The following NR1I2 variants were observed in gnomAD, a reference collection of about 807,000 sequenced individuals.
NR1I2 encodes the protein nuclear receptor subfamily 1 group I member 2, also known as orphan nuclear receptor PAR1.
NR1I2 carries 42 observed loss-of-function variants against 43.3 expected under a neutral mutation model. That is an observed-to-expected ratio of 0.97 (90% confidence interval 0.76 to 1.26). The LOEUF is 1.26. NR1I2 is among the 50% of genes most tolerant of loss of function. The pLI is 0.00. For missense variants in NR1I2, 559 were observed against 566.7 expected, an observed-to-expected ratio of 0.99 and a Z score of 0.14; for synonymous variants, 229 against 215.0, an observed-to-expected ratio of 1.06 and a Z score of -0.57.
chr3:119,812,395 G>A (rs543581219), intron 4 of NR1I2, among the ~76,000 whole-genome samples: 2 of 152,154 alleles, frequency 1.3e-5, no homozygotes, highest in Non-Finnish European at 2.9e-5. Context: ...GACACACCAT[G>A]GTTGCAGTCC....
chr3:119,816,458 C>T (rs568319375), intron 8 of NR1I2, among the ~76,000 whole-genome samples: 1 of 152,304 alleles, frequency 6.6e-6, no homozygotes, highest in South Asian at 2.1e-4. Flanking sequence ...AAGGCAGTGA[C>T]AGCCCCACAC....
At chr3:119,806,791 A>T (rs2055167627) in intron 1 of NR1I2, among the ~76,000 whole-genome samples, 1 of 152,112 alleles carries the variant, frequency 6.6e-6, no homozygotes, top group African/African-American at 2.4e-5. Flanking sequence ...CACCTGAAAG[A>T]CTATCCTCCC....
chr3:119,790,903 T>A (rs116169240), intron 1 of NR1I2, among the ~76,000 whole-genome samples: 2,630 of 152,276 alleles, frequency 0.017, 30 homozygotes, highest in Non-Finnish European at 0.025. Context: ...CAGGGTTGGG[T>A]TGGCTGGAGT....
chr3:119,792,449 T>C (rs1467517942), intron 1 of NR1I2: 7 of 1,171,448 alleles, frequency 6.0e-6, no homozygotes, highest in Non-Finnish European at 8.9e-6. Context: ...GATGGAGCTG[T>C]GCAAGCTGGA....
At chr3:119,788,013 G>T (rs1156369587) in intron 1 of NR1I2, among the ~76,000 whole-genome samples, 1 of 152,046 alleles carries the variant, frequency 6.6e-6, no homozygotes, top group African/African-American at 2.4e-5. Flanking sequence ...CTTGTGCTTT[G>T]ACTCATTTGA....
chr3:119,787,657 ATGTGTGTG>A (rs3030846), intron 1 of NR1I2, among the ~76,000 whole-genome samples: 33,200 of 128,218 alleles, frequency 0.26, 3,957 homozygotes, highest in African/African-American at 0.28. Context: ...TGCTATTAAT[ATGTGTGTG>A]TGTGTGTGTG....
At chr3:119,807,935 G>A (rs1348531590) in intron 2 of NR1I2, among the ~76,000 whole-genome samples, 2 of 152,158 alleles carry the variant, frequency 1.3e-5, no homozygotes, top group Admixed American at 6.5e-5. Context: ...CTCCCATCTC[G>A]GGAGCCACAT....
Position 119,812,852 on chromosome 3 carries a change from C to T in NR1I2, c.686C>T (p.Ala229Val). 1 of 1,614,232 alleles carries T rather than the reference C, an allele frequency of 6.2e-7. No homozygotes were observed. Among genetic ancestry groups the T allele is most frequent in the Non-Finnish European group, 8.5e-7 (1 of 1,180,042 alleles). The change falls in exon 5 of 9, where the codon GCC (alanine) becomes GTC (valine). Residue 229 changes from alanine (A) to valine (V), a missense_variant. Physicochemically the swap from Ala to Val is moderately conservative, Grantham distance 64. Around this residue, in one of 3 missense-constraint regions of NR1I2, gnomAD observed 323 missense variants for 312.2 expected, o/e 1.03. Transcript: ENST00000393716. ...AGTGTCTGGAACTACAAACCCCCAG[C>T]CGACAGTGGCGGGAAAGAGATCTTC...
chr3:119,791,890 A>T (rs181700842), intron 1 of NR1I2: 2 of 616,568 alleles, frequency 3.2e-6, no homozygotes, highest in Middle Eastern at 2.7e-4. Context: ...GGCATGGTGA[A>T]CTCTGCCTTA....
In NR1I2 at chr3:119,796,339, C is replaced by T. The variant is rs545292860; in HGVS notation, c.-22-10890C>T. ...TTCTCCCTGACTCCTTTCCCAGCCC[C>T]AAGACAGGGGACTTGCAAGAGTCCC... On this transcript the variant is annotated intron_variant, in intron 1 of 8. Transcript: ENST00000393716. Among the ~76,000 whole-genome samples the T allele has an allele frequency of 2.5e-3, 380 of 152,334 alleles. 3 individuals carry two copies. The highest frequency in any genetic ancestry group is 4.2e-3 in the Non-Finnish European group (288 of 68,032).
rs2055312094 is a variant in NR1I2 at position 119,815,456 on chromosome 3, G to C, written c.1054+17G>C. ...TCTCCCCAGGTGAGGATCTCCCCTA[G>C]GCTGCCTGACATCCCCCCCAGCCTT... On this transcript the variant is annotated intron_variant, in intron 7 of 8. Coordinates refer to ENST00000393716, the MANE Select transcript of NR1I2 (RefSeq NM_003889.4). The C allele has an allele frequency of 3.1e-6, 5 of 1,596,942 alleles. No individual in the cohort carries two copies. The highest frequency in any genetic ancestry group is 4.3e-6 in the Non-Finnish European group (5 of 1,166,074).
Position 119,817,061 on chromosome 3 carries a change from C to A in NR1I2, c.1161-7C>A. ...CACCCACAATCTTTTCTCTGGCTGGCATGCAGGTTCTTGTTCCTGAAGATC... is the reference window on the plus strand; with the variant it reads ...CACCCACAATCTTTTCTCTGGCTGGAATGCAGGTTCTTGTTCCTGAAGATC... On this transcript the variant is annotated splice_region_variant and splice_polypyrimidine_tract_variant and intron_variant, in intron 8 of 8. Coordinates refer to ENST00000393716, the MANE Select transcript of NR1I2 (RefSeq NM_003889.4). 3.1e-6 allele frequency: 5 copies of A among 1,614,184 alleles called. No individual in the cohort carries two copies. The highest frequency in any genetic ancestry group is 4.2e-6 in the Non-Finnish European group (5 of 1,180,032).
intron 1 of NR1I2, among the ~76,000 whole-genome samples, chr3:119,793,709 T>C (rs1160279589): frequency 2.6e-5 from 4 of 152,216 alleles, no homozygotes; most frequent in Non-Finnish European, 5.9e-5. Flanking sequence ...ATCTCCAGGT[T>C]CTGTACCCTC....
intron 1 of NR1I2, among the ~76,000 whole-genome samples, chr3:119,793,839 A>T (rs950871294): frequency 6.6e-6 from 1 of 152,172 alleles, no homozygotes; most frequent in African/African-American, 2.4e-5. Flanking sequence ...GATCAAAAAC[A>T]TTATAGAGGC....
At chr3:119,813,091 TC>T in intron 5 of NR1I2, 131 bp downstream of exon 5, 3 of 1,049,220 alleles carry the variant, frequency 2.9e-6, no homozygotes, top group South Asian at 1.4e-5. Context: ...CTGTGCCCTT[TC>T]CCCGGGCAGC....
intron 1 of NR1I2, among the ~76,000 whole-genome samples, chr3:119,789,221 C>G (rs2037548): frequency 0.95 from 144,683 of 152,286 alleles, 68,847 homozygotes; most frequent in East Asian, 1. Flanking sequence ...ATCAAATGCA[C>G]TTTAATTGAC....
intron 1 of NR1I2, chr3:119,802,866 T>A (rs2055099129): frequency 4.4e-6 from 2 of 456,566 alleles, no homozygotes; most frequent in African/African-American, 4.0e-5. Context: ...ATAAATGCTA[T>A]GATGATTGTT....
Position 119,815,754 on chromosome 3 carries a change from G to C in NR1I2, c.1083G>C (p.Val361=), listed in dbSNP as rs914030828. The change falls in exon 8 of 9, where the codon GTG becomes GTC. Residue 361 remains valine, a synonymous_variant. Coordinates refer to ENST00000393716, the MANE Select transcript of NR1I2 (RefSeq NM_003889.4). The stretch of plus-strand genomic sequence containing the variant: ...GCCCAGGTGTGCTGCAGCACCGCGT[G>C]GTGGACCAGCTGCAGGAGCAATTCG... The C allele has an allele frequency of 6.2e-7, 1 of 1,613,712 alleles. No homozygotes were observed.
At chr3:119,792,279 C>T in intron 1 of NR1I2, 2 of 1,525,518 alleles carry the variant, frequency 1.3e-6, no homozygotes, top group Non-Finnish European at 1.8e-6. Flanking sequence ...GAGCGACGAC[C>T]TTATGGAGCG....
Sources: allele counts gnomAD v4.1 joint callset (sites outside exome capture counted in the v4.1 genomes callset), GRCh38; gene constraint gnomAD v4.1.1; regional missense constraint gnomAD v4.1.1; transcripts MANE v1.5; gene names NCBI Gene and HGNC (gene_info 2026-07-23, HGNC 2026-07-21).